RIT2: variants seen among roughly 807,000 people sequenced by gnomAD.
RIT2 encodes GTP-binding protein Rit2.
RIT2 carries 24 observed loss-of-function variants against 23.7 expected under a neutral mutation model. That is an observed-to-expected ratio of 1.01 (90% CI 0.73 to 1.43). The LOEUF (loss-of-function observed/expected upper bound fraction) is 1.43, where lower values mean the gene tolerates loss of function less well. Among genes scored for constraint, RIT2 ranks in the 40% most tolerant of loss-of-function variants. The probability of loss-of-function intolerance (pLI) is 0.00; values close to 1 mark genes in which losing one functional copy is unlikely to be tolerated. For missense variants in RIT2, 236 were observed against 266.9 expected (o/e 0.88, Z 0.81); for synonymous variants, 107 against 91.1 (o/e 1.17, Z -0.99).
At chr18:42,920,774 A>C (rs1486029000) in intron 4 of RIT2, 1 of 1,568,778 alleles carries the variant, frequency 6.4e-7, no homozygotes, top group South Asian at 1.1e-5. Context: ...ATAAGGAATA[A>C]GAATTGCTTA....
chr18:42,894,849 A>T (rs1908280197), intron 4 of RIT2, among the ~76,000 whole-genome samples: 1 of 152,238 alleles, frequency 6.6e-6, no homozygotes, highest in Admixed American at 6.5e-5. Flanking sequence ...AAAGTTCAGC[A>T]CTAACCATAA....
chr18:43,105,134 G>GTGTGTGTGTT (rs1913782012), intron 1 of RIT2, among the ~76,000 whole-genome samples: 1 of 143,142 alleles, frequency 7.0e-6, no homozygotes, highest in African/African-American at 2.6e-5. Flanking sequence ...GTGTGTGTTT[G>GTGTGTGTGTT]TGTGTGTGTG....
chr18:42,917,974 G>T (rs548635501), intron 4 of RIT2, among the ~76,000 whole-genome samples: 1 of 152,138 alleles, frequency 6.6e-6, no homozygotes, highest in South Asian at 2.1e-4. Flanking sequence ...CCTTTTCACT[G>T]CTCAGAACTG....
chr18:42,941,398 A>G (rs1213055240), intron 3 of RIT2, among the ~76,000 whole-genome samples: 3 of 151,958 alleles, frequency 2.0e-5, no homozygotes, highest in Non-Finnish European at 4.4e-5. Context: ...TCTGAGTTAG[A>G]GCATCAAAAA....
At chr18:43,009,037 TG>T (rs978793916) in intron 2 of RIT2, among the ~76,000 whole-genome samples, 1 of 151,636 alleles carries the variant, frequency 6.6e-6, no homozygotes, top group African/African-American at 2.4e-5. Context: ...TTTGGAAATG[TG>T]GCAAACTACC....
At chr18:42,865,707 T>C (rs1178091856) in intron 4 of RIT2, among the ~76,000 whole-genome samples, 1 of 152,210 alleles carries the variant, frequency 6.6e-6, no homozygotes, top group Non-Finnish European at 1.5e-5. Context: ...GCATTGGTTA[T>C]GCAGATTGCT....
chr18:42,778,196 G>A (rs1356818167), intron 4 of RIT2, among the ~76,000 whole-genome samples: 1 of 152,104 alleles, frequency 6.6e-6, no homozygotes, highest in African/African-American at 2.4e-5. Context: ...GGTCTGGACT[G>A]CTCCCTTCTG....
chr18:42,929,045 A>ATATATATATG (rs2144141930), intron 3 of RIT2, among the ~76,000 whole-genome samples: 1 of 144,158 alleles, frequency 6.9e-6, no homozygotes, highest in African/African-American at 2.5e-5. Context: ...ATATATATAT[A>ATATATATATG]TATATATATA....
intron 4 of RIT2, among the ~76,000 whole-genome samples, chr18:42,900,137 A>G (rs765109035): frequency 1.3e-5 from 2 of 152,108 alleles, no homozygotes; most frequent in Non-Finnish European, 2.9e-5. Flanking sequence ...TGAATGTGTG[A>G]TTAAGAAATT....
intron 2 of RIT2, among the ~76,000 whole-genome samples, chr18:43,024,459 A>C (rs2144269568): frequency 6.6e-6 from 1 of 152,186 alleles, no homozygotes; most frequent in South Asian, 2.1e-4. Context: ...TTTTAAAAAA[A>C]CTAGAATAAA....
At chr18:42,992,254 T>C (rs1910869169) in intron 2 of RIT2, among the ~76,000 whole-genome samples, 1 of 152,158 alleles carries the variant, frequency 6.6e-6, no homozygotes, top group African/African-American at 2.4e-5. Flanking sequence ...ACAATGTCAC[T>C]TGACCCCAAT....
intron 4 of RIT2, among the ~76,000 whole-genome samples, chr18:42,818,497 G>A (rs1906058756): frequency 6.6e-6 from 1 of 152,016 alleles, no homozygotes; most frequent in East Asian, 1.9e-4. Flanking sequence ...ATGAACTCTG[G>A]ATAATGGAAT....
At chr18:43,042,207 A>G (rs1912144101) in intron 1 of RIT2, among the ~76,000 whole-genome samples, 1 of 152,140 alleles carries the variant, frequency 6.6e-6, no homozygotes, top group South Asian at 2.1e-4. Flanking sequence ...AAAATTACTC[A>G]AACTCTCTGA....
intron 1 of RIT2, among the ~76,000 whole-genome samples, chr18:43,098,559 T>C (rs1206885000): frequency 6.6e-6 from 1 of 151,932 alleles, no homozygotes; most frequent in Non-Finnish European, 1.5e-5. Context: ...ATTGTCAGCC[T>C]GGGTAGGACA....
chr18:42,753,485 T>C (rs1385289470), intron 4 of RIT2, among the ~76,000 whole-genome samples: 2 of 152,188 alleles, frequency 1.3e-5, no homozygotes, highest in Non-Finnish European at 2.9e-5. Context: ...AAAATCTTAG[T>C]GGTTATGCCT....
intron 4 of RIT2, among the ~76,000 whole-genome samples, chr18:42,763,135 G>C (rs1361184829): frequency 1.3e-5 from 2 of 152,132 alleles, no homozygotes; most frequent in Non-Finnish European, 2.9e-5. Context: ...TTAAACAAAA[G>C]AAGGTACAGT....
intron 4 of RIT2, among the ~76,000 whole-genome samples, chr18:42,746,820 G>T (rs1912928373): frequency 6.6e-6 from 1 of 152,030 alleles, no homozygotes; most frequent in East Asian, 1.9e-4. Flanking sequence ...AATCTCAATA[G>T]ATGCAGAAAA....
At chr18:43,058,342 T>C (rs1308418283) in intron 1 of RIT2, among the ~76,000 whole-genome samples, 1 of 152,086 alleles carries the variant, frequency 6.6e-6, no homozygotes, top group African/African-American at 2.4e-5. Flanking sequence ...GATTCTACAT[T>C]ATCTGCTACT....
intron 4 of RIT2, among the ~76,000 whole-genome samples, chr18:42,751,352 A>G (rs1379328927): frequency 6.6e-6 from 1 of 151,918 alleles, no homozygotes; most frequent in African/African-American, 2.4e-5. Flanking sequence ...TATAGTACAT[A>G]TATAGATATA....
Sources: allele counts gnomAD v4.1 joint callset (sites outside exome capture counted in the v4.1 genomes callset), GRCh38; gene constraint gnomAD v4.1.1; transcripts MANE v1.5; gene names NCBI Gene and HGNC (gene_info 2026-07-23, HGNC 2026-07-21).